Variants in CEMIP observed in about 807,000 individuals in gnomAD.
CEMIP encodes the protein cell migration-inducing and hyaluronan-binding protein.
In CEMIP, 105 loss-of-function variants were observed where a neutral mutation model predicts 156.9. The observed-to-expected ratio is 0.67, with a 90% confidence interval of 0.57 to 0.79. The LOEUF is 0.79. Among genes scored for constraint, CEMIP ranks in the 30% least tolerant of loss-of-function variants. CEMIP has a pLI of 0.00. For synonymous variants in CEMIP, 676 were observed against 668.4 expected (o/e 1.01, Z -0.17); for missense variants, 1,457 against 1,769.4 (o/e 0.82, Z 3.17).
At chr15:80,866,592 AAAATAAATAAATAAAT>A (rs3087304) in intron 1 of CEMIP, among the ~76,000 whole-genome samples, 1,495 of 130,260 alleles carry the variant, frequency 0.011, 21 homozygotes, top group Non-Finnish European at 0.019. Context: ...CTCTGTCTTA[AAAATAAATAAATAAAT>A]AAATAAATAA....
chr15:80,823,030 T>C (rs1313350520), intron 1 of CEMIP, among the ~76,000 whole-genome samples: 2 of 152,166 alleles, frequency 1.3e-5, no homozygotes, highest in African/African-American at 4.8e-5. Flanking sequence ...GCTGAATGTT[T>C]CTGGGCATCC....
intron 1 of CEMIP, among the ~76,000 whole-genome samples, chr15:80,847,995 G>T (rs1483747340): frequency 6.6e-6 from 1 of 152,234 alleles, no homozygotes; most frequent in Non-Finnish European, 1.5e-5. Flanking sequence ...AATGCCTTCT[G>T]CAGGGACAAA....
chr15:80,780,031 G>C (rs573312229), intron 1 of CEMIP, among the ~76,000 whole-genome samples: 40 of 151,950 alleles, frequency 2.6e-4, no homozygotes, highest in Middle Eastern at 3.4e-3. Flanking sequence ...GTGTCCTGCC[G>C]ACTGGGAGCC....
intron 1 of CEMIP, among the ~76,000 whole-genome samples, chr15:80,787,706 G>T (rs962585894): frequency 6.6e-6 from 1 of 152,212 alleles, no homozygotes; most frequent in Non-Finnish European, 1.5e-5. Context: ...AGCCACAGAT[G>T]CCGGTTTCTA....
chr15:80,823,799 T>C (rs1253258496), intron 1 of CEMIP, among the ~76,000 whole-genome samples: 1 of 152,156 alleles, frequency 6.6e-6, no homozygotes, highest in Non-Finnish European at 1.5e-5. Flanking sequence ...GGTGAAATGA[T>C]GAATACAAGA....
chr15:80,936,787 G>A lies in CEMIP; in HGVS notation c.3123G>A (p.Gln1041=), dbSNP rs1485855128. Residue 1041 remains glutamine (Q), a synonymous_variant, in exon 24 of 30, where the codon CAG becomes CAA. Coordinates refer to ENST00000394685, the MANE Select transcript of CEMIP (RefSeq NM_001293298.2). Reference sequence around the variant, plus strand: ...CGCTCACCAGGAGCACCCATTACCAGCAATACCAACCGGTTGTCACCCTGC... The same window carrying A: ...CGCTCACCAGGAGCACCCATTACCAACAATACCAACCGGTTGTCACCCTGC... ...EGALTRSTHY[Q]QYQPVVTLQK... is the part of the protein sequence containing the mutation. The A allele has an allele frequency of 6.2e-7, 1 of 1,614,158 alleles. No homozygotes were observed. Among genetic ancestry groups the A allele is most frequent in the Admixed American group, 1.7e-5 (1 of 60,028 alleles).
chr15:80,834,459 T>C (rs186060710), intron 1 of CEMIP, among the ~76,000 whole-genome samples: 54 of 152,356 alleles, frequency 3.5e-4, no homozygotes, highest in Middle Eastern at 3.4e-3. Context: ...ACTTTTTGCA[T>C]GGCCAAAAGT....
intron 1 of CEMIP, among the ~76,000 whole-genome samples, chr15:80,813,073 C>T (rs538169151): frequency 6.6e-6 from 1 of 152,234 alleles, no homozygotes; most frequent in Admixed American, 6.5e-5. Context: ...TTTTCTAATG[C>T]ATTTGTTTTT....
At chr15:80,890,831 G>A (rs1384176493) in intron 10 of CEMIP, among the ~76,000 whole-genome samples, 1 of 152,166 alleles carries the variant, frequency 6.6e-6, no homozygotes, top group Non-Finnish European at 1.5e-5. Context: ...TCCAAGGGAG[G>A]AGCCTCTGTT....
At position 80,926,514 on chromosome 15, in the gene CEMIP, G is replaced by A. The variant is rs536838950; in HGVS notation, c.2420+759G>A. On this transcript the variant is annotated intron_variant, in intron 19 of 29. Transcript: ENST00000394685. ...GAGAAATAAAGGTGAAAGGGAACAA[G>A]AGAAATTGAAATGCGAGGAGAAAAG... is the stretch of plus-strand genomic sequence containing the variant. Among the ~76,000 whole-genome samples the A allele has an allele frequency of 1.4e-4, 21 of 152,310 alleles. No homozygotes were observed. The South Asian group carries it at 1.5e-3, about 11-fold the overall frequency.
In CEMIP at chr15:80,941,006, C is replaced by T. The variant is rs575131415; in HGVS notation, c.3408-843C>T. 5.9e-5 allele frequency among the ~76,000 whole-genome samples: 9 copies of T among 152,310 alleles called. No individual in the cohort carries two copies. The East Asian group carries it at 1.2e-3, about 20-fold the overall frequency. On this transcript the variant is annotated intron_variant, in intron 25 of 29. Coordinates refer to ENST00000394685, the MANE Select transcript of CEMIP (RefSeq NM_001293298.2). ...CAAGACCTGCTGGGTCCCATAAGAG[C>T]GAGAATCTTGGTTACTGGTTGGCCA...
At chr15:80,793,893 G>T (rs750516030) in intron 1 of CEMIP, among the ~76,000 whole-genome samples, 1 of 152,192 alleles carries the variant, frequency 6.6e-6, no homozygotes, top group East Asian at 1.9e-4. Context: ...ATGAAACTGG[G>T]CATCCCCGCC....
intron 1 of CEMIP, among the ~76,000 whole-genome samples, chr15:80,867,791 G>A (rs890977267): frequency 1.6e-4 from 25 of 152,174 alleles, no homozygotes; most frequent in African/African-American, 6.0e-4. Flanking sequence ...TCAGGACCAG[G>A]TGACCAGAGA....
At chr15:80,914,142 C>T (rs921050027) in intron 14 of CEMIP, among the ~76,000 whole-genome samples, 5 of 152,082 alleles carry the variant, frequency 3.3e-5, no homozygotes, top group African/African-American at 1.2e-4. Flanking sequence ...CAAAATGGGC[C>T]CCCACTTCAT....
intron 14 of CEMIP, among the ~76,000 whole-genome samples, chr15:80,913,998 A>G (rs1202003919): frequency 6.6e-6 from 1 of 152,234 alleles, no homozygotes; most frequent in East Asian, 1.9e-4. Flanking sequence ...CTACATTGAT[A>G]CTGTCAGTGG....
intron 12 of CEMIP, among the ~76,000 whole-genome samples, chr15:80,899,147 A>G (rs1481510972): frequency 3.3e-5 from 5 of 149,838 alleles, no homozygotes; most frequent in Admixed American, 2.7e-4. Flanking sequence ...TGGGAGGCGG[A>G]GGTTGCAGTG....
At chr15:80,942,448 G>A (rs1212321438) in intron 27 of CEMIP, 111 bp downstream of exon 27, 2 of 938,650 alleles carry the variant, frequency 2.1e-6, no homozygotes, top group African/African-American at 1.6e-5. Context: ...TGTTGGCAGG[G>A]GTGGTTTCCT....
chr15:80,811,926 G>A (rs78675709), intron 1 of CEMIP, among the ~76,000 whole-genome samples: 2,168 of 152,300 alleles, frequency 0.014, 30 homozygotes, highest in Middle Eastern at 0.058. Flanking sequence ...GTTGCTTTGA[G>A]TGCCAGAGAA....
In CEMIP at chr15:80,920,398, C is replaced by A. The variant is rs2271161; in HGVS notation, c.2003+99C>A. 696 of 1,168,568 alleles carry A rather than the reference C, an allele frequency of 6.0e-4. 6 individuals are homozygous for A. The East Asian group carries it at 0.016, about 27-fold the overall frequency. The allele number at this position is 1,168,568 out of a possible 1,614,324, so 72.4% of individuals were successfully genotyped here. The stretch of plus-strand genomic sequence containing the variant: ...AGCCCAGCACCAGACTTCTGCACTT[C>A]GGGGCTCTGAGGAGCTTGGGCCTCA... On this transcript the variant is annotated intron_variant, in intron 15 of 29. Coordinates refer to ENST00000394685, the MANE Select transcript of CEMIP (RefSeq NM_001293298.2).
Sources: allele counts gnomAD v4.1 joint callset (sites outside exome capture counted in the v4.1 genomes callset), GRCh38; gene constraint gnomAD v4.1.1; transcripts MANE v1.5; gene names NCBI Gene and HGNC (gene_info 2026-07-23, HGNC 2026-07-21).